Variants in ATAD5 observed in about 807,000 individuals in gnomAD.
The protein encoded by ATAD5 is ATPase family AAA domain-containing protein 5.
A neutral mutation model predicts 176.9 loss-of-function variants in ATAD5; 58 were observed. The ratio of observed to expected loss-of-function variants is 0.33; its 90% CI spans 0.27 to 0.41. ATAD5 has a LOEUF of 0.41. Ranked by LOEUF, ATAD5 falls within the 10% of genes least tolerant of loss-of-function variation. ATAD5 has a pLI of 1.00. For synonymous variants in ATAD5, 640 were observed against 712.6 expected, an observed-to-expected ratio of 0.90 and a Z score of 1.62; for missense variants, 1,789 against 2,094.1, an observed-to-expected ratio of 0.85 and a Z score of 2.84.
At chr17:30,848,730 C>T in intron 6 of ATAD5, among the ~76,000 whole-genome samples, 1 of 152,066 alleles carries the variant, frequency 6.6e-6, no homozygotes, top group East Asian at 1.9e-4. Context: ...AGTCTCTTTT[C>T]TTTATACTAA....
intron 19 of ATAD5, among the ~76,000 whole-genome samples, chr17:30,891,427 A>G (rs1909632947): frequency 6.6e-6 from 1 of 152,212 alleles, no homozygotes; most frequent in African/African-American, 2.4e-5. Flanking sequence ...GCCAGAGTAC[A>G]GTGGCGTGAT....
intron 6 of ATAD5, among the ~76,000 whole-genome samples, chr17:30,851,369 G>A (rs891352761): frequency 4.0e-5 from 6 of 150,904 alleles, no homozygotes; most frequent in Non-Finnish European, 8.9e-5. Flanking sequence ...GGTGGCGGGC[G>A]CCTGTAGTCC....
chr17:30,893,686 C>A lies in ATAD5; in HGVS notation c.4833C>A (p.Ser1611Arg), dbSNP rs201498525. 7 of 1,613,078 alleles carry A rather than the reference C, an allele frequency of 4.3e-6. No homozygotes were observed. Among genetic ancestry groups the A allele is most frequent in the Non-Finnish European group, 5.9e-6 (7 of 1,179,648 alleles). ...AAAGCAAAACCGGAGACGAAGAAAG[C>A]AAAGCCAGAGACAAAGGAAACAATC... is the stretch of plus-strand genomic sequence containing the variant. ...AEESKTGDEE[S>R]KARDKGNNPE... The change falls in exon 21 of 23, where the codon AGC becomes AGA. Residue 1611 changes from serine to arginine, a missense_variant. Around this residue, in one of 6 missense-constraint regions of ATAD5, gnomAD observed 403 missense variants for 495.1 expected, o/e 0.81. Transcript: ENST00000321990.
rs1905567914 is a variant in ATAD5 at position 30,834,337 on chromosome 17, T to G, written c.256T>G (p.Ser86Ala). Residue 86 changes from serine to alanine, a missense_variant, in exon 2 of 23, where the codon TCA (serine) becomes GCA (alanine). By Grantham distance (99) the Ser-to-Ala change is moderately conservative. This residue lies in a region of ATAD5 where 696 missense variants were observed against 712.5 expected (regional missense o/e 0.98). Transcript: ENST00000321990. ...TQLGKECKIK[S>A]PESVPVDSNK... ...ATTAGGGAAAGAGTGCAAGATAAAG[T>G]CACCTGAATCAGTACCTGTTGACAG... 1 of 1,612,318 alleles carries G rather than the reference T, an allele frequency of 6.2e-7. No individual in the cohort carries two copies. Among genetic ancestry groups the G allele is most frequent in the Non-Finnish European group, 8.5e-7 (1 of 1,179,444 alleles).
chr17:30,880,066 CT>C (rs1908920724), intron 18 of ATAD5, among the ~76,000 whole-genome samples: 4 of 151,850 alleles, frequency 2.6e-5, no homozygotes, highest in East Asian at 3.9e-4. Context: ...CTTTGGGAGG[CT>C]GAGGAGGGCA....
rs1023443999 is a variant in ATAD5 at position 30,835,548 on chromosome 17, G to C, written c.1467G>C (p.Gly489=). 1.9e-6 allele frequency: 3 copies of C among 1,611,354 alleles called. No homozygotes were observed. The highest frequency in any genetic ancestry group is 1.7e-6 in the Non-Finnish European group (2 of 1,179,080). ...AGAATAAGAAAACATTAGATACTGG[G>C]GCTATTCCAGGCAAAAACAGAGAGG... is the stretch of plus-strand genomic sequence containing the variant. The part of the protein sequence containing the change: ...KKKNKKTLDT[G]AIPGKNREGN... Residue 489 remains glycine, a synonymous_variant, in exon 2 of 23, where the codon GGG becomes GGC. Coordinates refer to ENST00000321990, the MANE Select transcript of ATAD5 (RefSeq NM_024857.5).
chr17:30,889,369 G>A (rs1244256236), intron 19 of ATAD5, among the ~76,000 whole-genome samples: 1 of 150,204 alleles, frequency 6.7e-6, no homozygotes, highest in Non-Finnish European at 1.5e-5. Context: ...ACTTATACAT[G>A]TATTAACATA....
chr17:30,849,047 T>A (rs1906708287), intron 6 of ATAD5, among the ~76,000 whole-genome samples: 1 of 152,092 alleles, frequency 6.6e-6, no homozygotes, highest in Admixed American at 6.6e-5. Context: ...ATTTTTGTAT[T>A]TTTTGTAGAG....
rs1909833531 is a variant in ATAD5 at position 30,894,939 on chromosome 17, T to C, written c.*26T>C. On this transcript the variant is annotated 3_prime_UTR_variant, in exon 23 of 23. Coordinates refer to ENST00000321990, the MANE Select transcript of ATAD5 (RefSeq NM_024857.5). The stretch of plus-strand genomic sequence containing the variant: ...TGTTCCATACTAACAATGCTTTGTA[T>C]AGATTATCATGTGGTCCTTAAGATA... The C allele has an allele frequency of 2.7e-6, 4 of 1,486,768 alleles. No homozygotes were observed. Among genetic ancestry groups the C allele is most frequent in the Non-Finnish European group, 3.7e-6 (4 of 1,093,386 alleles). The allele number at this position is 1,486,768 out of a possible 1,614,324, so 92.1% of individuals were successfully genotyped here. A position where few individuals can be genotyped will look rare whatever the true frequency, so the allele number is the denominator to read the frequency against.
intron 3 of ATAD5, among the ~76,000 whole-genome samples, chr17:30,839,649 G>A (rs2142313180): frequency 7.2e-6 from 1 of 137,988 alleles, no homozygotes; most frequent in Non-Finnish European, 1.5e-5. Flanking sequence ...GCGCGATTTT[G>A]GCTCACTGCA....
intron 4 of ATAD5, 97 bp from the exon 5 acceptor site, chr17:30,843,816 T>G (rs1170362802): frequency 1.4e-6 from 1 of 706,434 alleles, no homozygotes; most frequent in Non-Finnish European, 2.1e-6. Context: ...AGCTGCTAAT[T>G]ATGTTTTCTG....
intron 14 of ATAD5, among the ~76,000 whole-genome samples, chr17:30,874,911 G>A (rs147652723): frequency 2.0e-5 from 3 of 152,148 alleles, no homozygotes; most frequent in Admixed American, 6.5e-5. Context: ...TTACAGGCGT[G>A]AGCCACTGTG....
In ATAD5 at chr17:30,895,624, C is replaced by CTTT. The variant is rs1180085646; in HGVS notation, c.*713_*714insTTT. The CTTT allele has an allele frequency of 6.6e-6, 1 of 152,072 alleles. No homozygotes were observed. Among genetic ancestry groups the CTTT allele is most frequent in the Non-Finnish European group, 1.5e-5 (1 of 68,072 alleles). 9.4% of individuals were successfully genotyped at this position (152,072 alleles called of 1,614,324 possible). Reference sequence around the variant, plus strand: ...TTTACCATGTTGGTTAGGCTGGTCTCTTAACTCCTGACCTCAAGTGATCCA... The same window carrying CTTT: ...TTTACCATGTTGGTTAGGCTGGTCTCTTTTTAACTCCTGACCTCAAGTGATCCA... On this transcript the variant is annotated 3_prime_UTR_variant, in exon 23 of 23. Transcript: ENST00000321990.
Position 30,868,352 on chromosome 17 carries a change from A to G in ATAD5, c.3253A>G (p.Arg1085Gly). 1 of 1,587,164 alleles carries G rather than the reference A, an allele frequency of 6.3e-7. No homozygotes were observed. The highest frequency in any genetic ancestry group is 1.8e-5 in the Admixed American group (1 of 54,164). The change falls in exon 12 of 23, where the codon AGA (arginine) becomes GGA (glycine). Residue 1085 changes from arginine (R) to glycine (G), a missense_variant. Coordinates refer to ENST00000321990, the MANE Select transcript of ATAD5 (RefSeq NM_024857.5). ...KLHSWLKDWKRRAELEERQNL... is the reference protein window; with the variant it reads ...KLHSWLKDWKGRAELEERQNL... ...TGGCAGTTGGTTGAAAGACTGGAAA[A>G]GAAGAGCTGAATTGGAAGAAAGGCA...
chr17:30,849,721 T>C (rs1367756858), intron 6 of ATAD5, among the ~76,000 whole-genome samples: 2 of 152,226 alleles, frequency 1.3e-5, no homozygotes, highest in South Asian at 2.1e-4. Context: ...TATATTACCT[T>C]GCCTTTTTAT....
At chr17:30,839,780 C>T (rs897775286) in intron 3 of ATAD5, among the ~76,000 whole-genome samples, 5 of 148,332 alleles carry the variant, frequency 3.4e-5, no homozygotes, top group Non-Finnish European at 5.9e-5. Context: ...ACGGGGGTTT[C>T]GCCATGTTGA....
At chr17:30,845,304 AC>A (rs1241973135) in intron 6 of ATAD5, among the ~76,000 whole-genome samples, 1 of 152,198 alleles carries the variant, frequency 6.6e-6, no homozygotes, top group African/African-American at 2.4e-5. Context: ...CTATGATTAA[AC>A]ATTCATTGGG....
In ATAD5 at chr17:30,877,444, A is replaced by T; in HGVS notation, c.3813A>T (p.Gln1271His). ...TAAAAAATTCTTTTGAACAGAAACA[A>T]ATTACTCAGACTAAATCTACAAATG... ...KGIKNSFEQK[Q>H]ITQTKSTNAT... The change falls in exon 16 of 23, where the codon CAA (glutamine) becomes CAT (histidine). Residue 1271 changes from glutamine (Q) to histidine (H), a missense_variant. Coordinates refer to ENST00000321990, the MANE Select transcript of ATAD5 (RefSeq NM_024857.5). 6.4e-7 allele frequency: 1 copy of T among 1,550,958 alleles called. No homozygotes were observed. The highest frequency in any genetic ancestry group is 8.8e-7 in the Non-Finnish European group (1 of 1,130,720).
At chr17:30,891,492 C>T (rs539627038) in intron 19 of ATAD5, among the ~76,000 whole-genome samples, 1 of 151,686 alleles carries the variant, frequency 6.6e-6, no homozygotes, top group South Asian at 2.1e-4. Flanking sequence ...CTGCCTCAGC[C>T]TCCCAAGTAG....
Sources: gnomAD v4.1 joint callset for allele counts (sites outside exome capture counted in the v4.1 genomes callset) on GRCh38, gnomAD v4.1.1 for gene constraint, gnomAD v4.1.1 regional missense constraint, MANE v1.5 for transcripts, NCBI Gene and HGNC (gene_info 2026-07-23, HGNC 2026-07-21) for gene names.